Variants in MORC3 observed in about 807,000 individuals in gnomAD.
MORC3 encodes the protein MORC family CW-type zinc finger 3, also known as MORC family CW-type zinc finger protein 3.
A neutral mutation model predicts 109.1 loss-of-function variants in MORC3; 31 were observed. The observed-to-expected ratio is 0.28, with a 90% CI of 0.21 to 0.38. The LOEUF is 0.38. Ranked by LOEUF, MORC3 falls within the 10% of genes least tolerant of loss-of-function variation. The pLI, the probability that MORC3 is intolerant of heterozygous loss-of-function variation, is 1.00. For synonymous variants in MORC3, 395 were observed against 380.7 expected (o/e 1.04, Z -0.44); for missense variants, 867 against 1,135.8 (o/e 0.76, Z 3.40).
Position 36,360,179 on chromosome 21 carries a change from A to C in MORC3, c.1332-5A>C. The C allele has an allele frequency of 6.2e-7, 1 of 1,614,088 alleles. No homozygotes were observed. Among genetic ancestry groups the C allele is most frequent in the South Asian group, 1.1e-5 (1 of 91,078 alleles). On this transcript the variant is annotated splice_region_variant and splice_polypyrimidine_tract_variant and intron_variant, in intron 11 of 16. Coordinates refer to ENST00000400485, the MANE Select transcript of MORC3 (RefSeq NM_015358.3). The stretch of plus-strand genomic sequence containing the variant: ...ATGTTATTCCTATGTGATTTTTCTG[A>C]ATAGAAATTGTGAGGTTCCAGAAGA...
chr21:36,346,140 C>T (rs1182942281), intron 8 of MORC3, among the ~76,000 whole-genome samples: 2 of 152,216 alleles, frequency 1.3e-5, no homozygotes, highest in Non-Finnish European at 2.9e-5. Context: ...CGGGCCTTAG[C>T]CTCCCAAGTA....
chr21:36,320,413 G>A, intron 1 of MORC3, 110 bp downstream of exon 1: 2 of 1,081,112 alleles, frequency 1.8e-6, no homozygotes, highest in Non-Finnish European at 1.2e-6. Flanking sequence ...GCGGCGGCGG[G>A]GGCTGCGGCG....
intron 1 of MORC3, among the ~76,000 whole-genome samples, chr21:36,324,617 T>C (rs2146283803): frequency 6.6e-6 from 1 of 151,724 alleles, no homozygotes; most frequent in East Asian, 1.9e-4. Flanking sequence ...CTCACTGCAT[T>C]ATCTCTATTT....
chr21:36,328,107 C>T lies in MORC3; in HGVS notation c.40-5539C>T, dbSNP rs919591647. On this transcript the variant is annotated intron_variant, in intron 1 of 16. Coordinates refer to ENST00000400485, the MANE Select transcript of MORC3 (RefSeq NM_015358.3). ...GGCCAGGCTGGTCTCAAACACCTGA[C>T]GTCAAATGATCCACCTGCCGCGGCC... 4.6e-5 allele frequency among the ~76,000 whole-genome samples: 7 copies of T among 152,078 alleles called. No homozygotes were observed. The South Asian group carries it at 8.3e-4, about 18-fold the overall frequency.
chr21:36,328,530 A>G (rs1343420171), intron 1 of MORC3, among the ~76,000 whole-genome samples: 1 of 151,382 alleles, frequency 6.6e-6, no homozygotes, highest in African/African-American at 2.4e-5. Flanking sequence ...TAGTAGAGAC[A>G]AGGTTTCGCC....
intron 1 of MORC3, 78 bp from the exon 2 acceptor site, chr21:36,333,568 C>T (rs1430885554): frequency 1.0e-5 from 12 of 1,193,106 alleles, no homozygotes; most frequent in Non-Finnish European, 1.5e-5. Context: ...TGTTGTTTAA[C>T]ACAGGGATAA....
At chr21:36,367,994 G>A (rs890386751) in intron 14 of MORC3, among the ~76,000 whole-genome samples, 1 of 152,180 alleles carries the variant, frequency 6.6e-6, no homozygotes, top group South Asian at 2.1e-4. Flanking sequence ...TTAAGATGCT[G>A]TTGCAGGCTG....
chr21:36,345,105 CAAATGTT>C, intron 8 of MORC3, 74 bp downstream of exon 8: 1 of 1,384,094 alleles, frequency 7.2e-7, no homozygotes, highest in Non-Finnish European at 9.8e-7. Flanking sequence ...GCTCTTGAGT[CAAATGTT>C]AAATAATTTT....
intron 15 of MORC3, among the ~76,000 whole-genome samples, chr21:36,370,980 T>G (rs1281215317): frequency 1.3e-5 from 2 of 152,220 alleles, no homozygotes; most frequent in East Asian, 3.9e-4. Flanking sequence ...GAGTTGCTTG[T>G]GTTCTGACTA....
At chr21:36,339,515 A>AG (rs1555906642) in intron 5 of MORC3, 3 of 135,862 alleles carry the variant, frequency 2.2e-5, no homozygotes, top group African/African-American at 6.7e-5. Flanking sequence ...AAAAAAAAAA[A>AG]AAAAAGAAAA....
chr21:36,360,320 G>A, intron 12 of MORC3, 62 bp downstream of exon 12: 1 of 1,468,080 alleles, frequency 6.8e-7, no homozygotes, highest in Non-Finnish European at 9.4e-7. Context: ...TGATGCCTTG[G>A]CAACATTATT....
chr21:36,356,223 A>G (rs2085643791), intron 9 of MORC3, among the ~76,000 whole-genome samples: 1 of 152,206 alleles, frequency 6.6e-6, no homozygotes, highest in African/African-American at 2.4e-5. Flanking sequence ...CAGTCTGTAT[A>G]TGCTTCAGTC....
chr21:36,370,633 ATATATATTTTTTTTT>A (rs1485851225), intron 15 of MORC3, among the ~76,000 whole-genome samples: 86 of 46,450 alleles, frequency 1.9e-3, no homozygotes, highest in African/African-American at 5.9e-3. Context: ...ATATATATAT[ATATATATTTTTTTTT>A]TTTTTTTTTT....
In MORC3 at chr21:36,362,203, T is replaced by C; in HGVS notation, c.1427T>C (p.Ile476Thr). ...YKKTNKEKFRIRQPEMIPRIN... is the reference protein window; with the variant it reads ...YKKTNKEKFRTRQPEMIPRIN... ...TAAAGCAACAAGGAAAAATTCAGGATCAGACAACCGGAAATGATCCCTCGG... is the reference window on the plus strand; with the variant it reads ...TAAAGCAACAAGGAAAAATTCAGGACCAGACAACCGGAAATGATCCCTCGG... The change falls in exon 13 of 17, where the codon ATC becomes ACC. Residue 476 changes from isoleucine (I) to threonine (T), a missense_variant. Transcript: ENST00000400485. 6.2e-7 allele frequency: 1 copy of C among 1,611,806 alleles called. No homozygotes were observed.
chr21:36,325,084 G>C (rs989981871), intron 1 of MORC3, among the ~76,000 whole-genome samples: 2 of 152,176 alleles, frequency 1.3e-5, no homozygotes. Context: ...TAGTCCTTTG[G>C]TGGGCTTCAC....
At chr21:36,324,696 C>G (rs1481341028) in intron 1 of MORC3, among the ~76,000 whole-genome samples, 1 of 150,592 alleles carries the variant, frequency 6.6e-6, no homozygotes, top group African/African-American at 2.4e-5. Context: ...TGTCTGGAAA[C>G]AGCCTTCTCA....
At chr21:36,363,116 G>A (rs761107399) in intron 13 of MORC3, among the ~76,000 whole-genome samples, 4 of 152,050 alleles carry the variant, frequency 2.6e-5, no homozygotes, top group Non-Finnish European at 4.4e-5. Context: ...ATCCTGATAA[G>A]CCCATTATAA....
At position 36,369,521 on chromosome 21, in the gene MORC3, A is replaced by G. The variant is rs375039041; in HGVS notation, c.2153A>G (p.His718Arg). 3.7e-6 allele frequency: 6 copies of G among 1,614,222 alleles called. No homozygotes were observed. The highest frequency in any genetic ancestry group is 3.3e-5 in the South Asian group (3 of 91,084). The change falls in exon 15 of 17, where the codon CAT becomes CGT. Residue 718 changes from histidine to arginine, a missense_variant. His to Arg is a conservative substitution (Grantham distance 29). Around this residue, in one of 7 missense-constraint regions of MORC3, gnomAD observed 486 missense variants for 502.1 expected, o/e 0.97. Transcript: ENST00000400485. ...EEKENYKRQC[H>R]MFTDQIKVLQ... ...AAAGAGAATTATAAAAGACAGTGTCATATGTTTACTGATCAAATCAAAGTG... is the reference window on the plus strand; with the variant it reads ...AAAGAGAATTATAAAAGACAGTGTCGTATGTTTACTGATCAAATCAAAGTG...
At chr21:36,372,866 A>T (rs989380053) in intron 16 of MORC3, among the ~76,000 whole-genome samples, 1 of 152,218 alleles carries the variant, frequency 6.6e-6, no homozygotes, top group East Asian at 1.9e-4. Flanking sequence ...AGTAGAAGAC[A>T]GGAGACTTTT....
Sources: allele counts gnomAD v4.1 joint callset (sites outside exome capture counted in the v4.1 genomes callset), GRCh38; gene constraint gnomAD v4.1.1; regional missense constraint gnomAD v4.1.1; transcripts MANE v1.5; gene names NCBI Gene and HGNC (gene_info 2026-07-23, HGNC 2026-07-21).